ZNF43: variants seen among roughly 807,000 people sequenced by gnomAD.
The protein encoded by ZNF43 is zinc finger protein 39-like 1 (KOX 27).
ZNF43 carries 44 observed loss-of-function variants against 68.4 expected under a neutral mutation model. The observed-to-expected ratio is 0.64, with a 90% CI of 0.51 to 0.83. ZNF43 has a LOEUF of 0.83. ZNF43 is among the 40% of genes least tolerant of loss of function. The probability of loss-of-function intolerance (pLI) is 0.00; values close to 1 mark genes in which losing one functional copy is unlikely to be tolerated. For missense variants in ZNF43, 896 were observed against 933.2 expected, an observed-to-expected ratio of 0.96 and a Z score of 0.52; for synonymous variants, 308 against 307.8, an observed-to-expected ratio of 1.00 and a Z score of -0.01.
chr19:21,815,256 C>T (rs1207829580), intron 3 of ZNF43, among the ~76,000 whole-genome samples: 10 of 151,574 alleles, frequency 6.6e-5, no homozygotes, highest in East Asian at 5.8e-4. Context: ...TAGATAACTA[C>T]AATATTTGTA....
At chr19:21,820,260 T>C (rs2037752159) in intron 1 of ZNF43, among the ~76,000 whole-genome samples, 1 of 145,532 alleles carries the variant, frequency 6.9e-6, no homozygotes, top group Non-Finnish European at 1.5e-5. Context: ...ATATTTTATA[T>C]ATATACACAC....
At chr19:21,825,812 G>A (rs2038091117) in intron 1 of ZNF43, among the ~76,000 whole-genome samples, 1 of 152,206 alleles carries the variant, frequency 6.6e-6, no homozygotes, top group Admixed American at 6.5e-5. Flanking sequence ...CAGCACTGTG[G>A]GAGGCCAAGG....
intron 1 of ZNF43, among the ~76,000 whole-genome samples, chr19:21,842,483 A>G (rs768402882): frequency 2.6e-5 from 4 of 151,690 alleles, no homozygotes; most frequent in Non-Finnish European, 5.9e-5. Context: ...GACGAGGGTC[A>G]CATCACCTTG....
chr19:21,812,932 CA>C (rs36028544), intron 3 of ZNF43, among the ~76,000 whole-genome samples: 8 of 147,544 alleles, frequency 5.4e-5, no homozygotes, highest in East Asian at 4.0e-4. Flanking sequence ...GACTCCATCT[CA>C]AAAAAAAATA....
intron 1 of ZNF43, among the ~76,000 whole-genome samples, chr19:21,826,026 G>A (rs2038104096): frequency 6.6e-6 from 1 of 152,082 alleles, no homozygotes; most frequent in Non-Finnish European, 1.5e-5. Context: ...TCCAGCCTGG[G>A]CAACAGAGCA....
upstream of ZNF43, chr19:21,840,273 A>G (rs1967430961): frequency 6.6e-6 from 1 of 152,358 alleles, no homozygotes; most frequent in Non-Finnish European, 1.5e-5. Context: ...AATGTGTCAC[A>G]ATCCGATCTG....
chr19:21,813,768 C>CA (rs35336272), intron 3 of ZNF43, among the ~76,000 whole-genome samples: 63,368 of 148,738 alleles, frequency 0.43, 15,436 homozygotes, highest in African/African-American at 0.69. Context: ...GTGAAAAGTA[C>CA]TTTTTTTTTT....
At chr19:21,811,773 A>G (rs1283412305) in intron 3 of ZNF43, among the ~76,000 whole-genome samples, 1 of 152,170 alleles carries the variant, frequency 6.6e-6, no homozygotes, top group Non-Finnish European at 1.5e-5. Context: ...AATCTCTTCA[A>G]AAAATGATGC....
In ZNF43 at chr19:21,830,299, AAAAC is replaced by A. The variant is rs200839858; in HGVS notation, c.3+5733_3+5736del. 3.5e-3 allele frequency among the ~76,000 whole-genome samples: 539 copies of A among 151,940 alleles called. 1 individual carries two copies. The highest frequency in any genetic ancestry group is 0.012 in the African/African-American group (491 of 41,464). ...AAAATGAAAAAAAAAAACAAAACAA[AAAAC>A]AAACAAACAAACAAAAAAAGAAATC... On this transcript the variant is annotated intron_variant, in intron 1 of 3. Transcript: ENST00000354959.
Position 21,827,950 on chromosome 19 carries a change from C to T in ZNF43, c.3+8086G>A, listed in dbSNP as rs192521402. ...TGCTGGGATTACAGGCGTAAGGCAC[C>T]GTACCCAGCCTCTGAAGAGCTACTA... On this transcript the variant is annotated intron_variant, in intron 1 of 3. Coordinates refer to ENST00000354959, the MANE Select transcript of ZNF43 (RefSeq NM_003423.4). 8.5e-5 allele frequency among the ~76,000 whole-genome samples: 13 copies of T among 152,228 alleles called. No individual in the cohort carries two copies. In the East Asian group the frequency reaches 2.1e-3, roughly 25 times the overall value.
chr19:21,830,279 GAA>G (rs57980495), intron 1 of ZNF43, among the ~76,000 whole-genome samples: 5,126 of 133,934 alleles, frequency 0.038, 169 homozygotes, highest in South Asian at 0.17. Flanking sequence ...AAAACAAAAT[GAA>G]AAAAAAAAAC....
At chr19:21,833,073 G>A (rs2038500388) in intron 1 of ZNF43, among the ~76,000 whole-genome samples, 1 of 151,966 alleles carries the variant, frequency 6.6e-6, no homozygotes, top group South Asian at 2.1e-4. Flanking sequence ...TATATACCAC[G>A]TTTTCTTATA....
In ZNF43 at chr19:21,805,231, C is replaced by T. The variant is rs117329296; in HGVS notation, c.*2376G>A. The T allele has an allele frequency of 0.034, 5,220 of 151,448 alleles. 175 individuals are homozygous for T. The highest frequency in any genetic ancestry group is 0.16 in the South Asian group (745 of 4,790). The allele number at this position is 151,448 out of a possible 1,614,324, so 9.4% of individuals were successfully genotyped here. On this transcript the variant is annotated 3_prime_UTR_variant, in exon 4 of 4. Coordinates refer to ENST00000354959, the MANE Select transcript of ZNF43 (RefSeq NM_003423.4). ...CTGTGGTCCCAGAACTCTGGGAGGC[C>T]GAGGCAGGCAGATCATGAGGTCAGA...
chr19:21,813,271 T>C (rs1031514369), intron 3 of ZNF43, among the ~76,000 whole-genome samples: 2 of 151,916 alleles, frequency 1.3e-5, no homozygotes, highest in Admixed American at 6.6e-5. Flanking sequence ...TATAAATGTT[T>C]CTCAGATACT....
At chr19:21,810,224 A>G (rs2037211457) in intron 3 of ZNF43, among the ~76,000 whole-genome samples, 3 of 152,218 alleles carry the variant, frequency 2.0e-5, no homozygotes, top group African/African-American at 7.2e-5. Flanking sequence ...AGACTGTACA[A>G]GAAGTGTGTG....
At chr19:21,815,509 T>TATATATATATATA (rs1568355560) in intron 3 of ZNF43, among the ~76,000 whole-genome samples, 13 of 129,584 alleles carry the variant, frequency 1.0e-4, no homozygotes, top group African/African-American at 3.8e-4. Context: ...ATATATATAT[T>TATATATATATATA]TTGCAGAATA....
At chr19:21,814,759 T>A (rs1018954612) in intron 3 of ZNF43, among the ~76,000 whole-genome samples, 4 of 151,940 alleles carry the variant, frequency 2.6e-5, no homozygotes, top group Non-Finnish European at 4.4e-5. Context: ...GCATACAGAA[T>A]TGAAAATTGT....
chr19:21,805,628 CCAAA>C lies in ZNF43; in HGVS notation c.*1975_*1978del, dbSNP rs1257218018. ...CAAGACTCTGTCTCAAAAAAAAAAA[CCAAA>C]CAAACAAAAAAAATTATGAATAGCA... On this transcript the variant is annotated 3_prime_UTR_variant, in exon 4 of 4. Coordinates refer to ENST00000354959, the MANE Select transcript of ZNF43 (RefSeq NM_003423.4). The C allele has an allele frequency of 3.3e-5, 5 of 149,882 alleles. No individual in the cohort carries two copies. The highest frequency in any genetic ancestry group is 4.4e-5 in the Non-Finnish European group (3 of 67,482). The allele number at this position is 149,882 out of a possible 1,614,324, so 9.3% of individuals were successfully genotyped here.
chr19:21,830,961 T>C (rs2038397560), intron 1 of ZNF43, among the ~76,000 whole-genome samples: 1 of 152,116 alleles, frequency 6.6e-6, no homozygotes, highest in African/African-American at 2.4e-5. Context: ...CACAAATCAA[T>C]AAATGTGATT....
Sources: allele counts gnomAD v4.1 joint callset (sites outside exome capture counted in the v4.1 genomes callset), GRCh38; gene constraint gnomAD v4.1.1; transcripts MANE v1.5; gene names NCBI Gene and HGNC (gene_info 2026-07-23, HGNC 2026-07-21).